KCNH7: variants seen among roughly 807,000 people sequenced by gnomAD.
The protein encoded by KCNH7 is potassium voltage-gated channel subfamily H member 7.
In KCNH7, 49 loss-of-function variants were observed where a neutral mutation model predicts 120.8. That is an observed-to-expected ratio of 0.41 (90% CI 0.32 to 0.51). KCNH7 has a LOEUF of 0.51. Ranked by LOEUF, KCNH7 falls within the 20% of genes least tolerant of loss-of-function variation. The pLI, the probability that KCNH7 is intolerant of heterozygous loss-of-function variation, is 0.38. For missense variants in KCNH7, 1,097 were observed against 1,446.6 expected (o/e 0.76, Z 3.92); for synonymous variants, 547 against 516.1 (o/e 1.06, Z -0.81).
intron 2 of KCNH7, among the ~76,000 whole-genome samples, chr2:162,675,164 A>C (rs10209495): frequency 0.14 from 20,628 of 151,482 alleles, 1,616 homozygotes; most frequent in East Asian, 0.34. Flanking sequence ...ATGGAAAAAC[A>C]AAAACAAAAC....
chr2:162,498,976 T>C (rs553759833), intron 6 of KCNH7, among the ~76,000 whole-genome samples: 6 of 152,210 alleles, frequency 3.9e-5, no homozygotes, highest in African/African-American at 1.4e-4. Flanking sequence ...GTGGTTTGAG[T>C]TGGATTTCTG....
chr2:162,753,031 A>AAAGAAC (rs1559116574), intron 2 of KCNH7, among the ~76,000 whole-genome samples: 1 of 127,766 alleles, frequency 7.8e-6, no homozygotes, highest in Non-Finnish European at 1.6e-5. Flanking sequence ...AAGAAAAGAA[A>AAAGAAC]CCCTGACTAA....
chr2:162,580,228 T>A (rs543478034), intron 2 of KCNH7, among the ~76,000 whole-genome samples: 3 of 152,154 alleles, frequency 2.0e-5, no homozygotes, highest in Non-Finnish European at 4.4e-5. Context: ...CACACGTCCA[T>A]CACTTACAAA....
In KCNH7 at chr2:162,806,941, T is replaced by C. The variant is rs187317765; in HGVS notation, c.307+29596A>G. ...ATAGATTACTACATAATCTATGCAT[T>C]TAAACAGTTATGTTGGAAATCATTA... On this transcript the variant is annotated intron_variant, in intron 2 of 15. Transcript: ENST00000332142. Among the ~76,000 whole-genome samples the C allele has an allele frequency of 2.2e-3, 329 of 152,184 alleles. No individual in the cohort carries two copies. The Middle Eastern group carries it at 0.024, about 11-fold the overall frequency.
At chr2:162,531,649 T>C (rs1691929392) in intron 3 of KCNH7, among the ~76,000 whole-genome samples, 1 of 151,976 alleles carries the variant, frequency 6.6e-6, no homozygotes, top group Admixed American at 6.6e-5. Flanking sequence ...AGCTCAATTT[T>C]TTTTTCTAAA....
At chr2:162,758,467 CAT>C (rs1448159379) in intron 2 of KCNH7, among the ~76,000 whole-genome samples, 4 of 151,954 alleles carry the variant, frequency 2.6e-5, no homozygotes, top group Middle Eastern at 6.9e-3. Flanking sequence ...TGTACACACA[CAT>C]ATATATACAC....
chr2:162,480,625 G>T (rs1689900410), intron 6 of KCNH7, among the ~76,000 whole-genome samples: 1 of 152,156 alleles, frequency 6.6e-6, no homozygotes, highest in African/African-American at 2.4e-5. Flanking sequence ...CATCAAATTG[G>T]TGGCATTCAG....
At chr2:162,389,787 TCC>T (rs1413974583) in intron 12 of KCNH7, among the ~76,000 whole-genome samples, 2 of 152,052 alleles carry the variant, frequency 1.3e-5, no homozygotes, top group Non-Finnish European at 2.9e-5. Flanking sequence ...AAAAATAATT[TCC>T]TCAGAATTCT....
intron 2 of KCNH7, among the ~76,000 whole-genome samples, chr2:162,718,957 G>A (rs796466630): frequency 1.2e-4 from 19 of 152,032 alleles, no homozygotes; most frequent in African/African-American, 4.1e-4. Context: ...ATTTTCAGAT[G>A]CAGAAAAGAA....
intron 6 of KCNH7, among the ~76,000 whole-genome samples, chr2:162,458,031 G>A (rs993018798): frequency 6.6e-6 from 1 of 151,946 alleles, no homozygotes. Flanking sequence ...AAATTAGGTA[G>A]TAGAATCACT....
intron 2 of KCNH7, among the ~76,000 whole-genome samples, chr2:162,540,871 A>G (rs1209888061): frequency 1.3e-5 from 2 of 152,092 alleles, no homozygotes; most frequent in African/African-American, 4.8e-5. Flanking sequence ...AAATACTGCA[A>G]TACTCTTGGT....
chr2:162,615,552 G>C (rs1348891626), intron 2 of KCNH7, among the ~76,000 whole-genome samples: 1 of 152,102 alleles, frequency 6.6e-6, no homozygotes, highest in Admixed American at 6.6e-5. Flanking sequence ...CAAATGGTAG[G>C]TAGAAATGCA....
At chr2:162,399,074 A>C (rs1686998361) in intron 10 of KCNH7, among the ~76,000 whole-genome samples, 1 of 151,892 alleles carries the variant, frequency 6.6e-6, no homozygotes, top group Admixed American at 6.6e-5. Flanking sequence ...TCATATGTGA[A>C]CATCAAAAGC....
chr2:162,601,399 C>CTTTTTTTGTT (rs1694548947), intron 2 of KCNH7, among the ~76,000 whole-genome samples: 1 of 9,602 alleles, frequency 1.0e-4, no homozygotes, highest in Non-Finnish European at 1.7e-4. Context: ...ACTTCTTGTG[C>CTTTTTTTGTT]TTTTTTTTTT....
At chr2:162,553,362 A>T (rs1692745824) in intron 2 of KCNH7, among the ~76,000 whole-genome samples, 2 of 152,216 alleles carry the variant, frequency 1.3e-5, no homozygotes, top group Non-Finnish European at 2.9e-5. Context: ...TTAGCATAAC[A>T]TGCTGCTGTT....
At chr2:162,513,800 G>A (rs1442647326) in intron 4 of KCNH7, among the ~76,000 whole-genome samples, 2 of 151,762 alleles carry the variant, frequency 1.3e-5, no homozygotes, top group Non-Finnish European at 2.9e-5. Context: ...TGAAAGATTA[G>A]ATTGTTTTAA....
intron 2 of KCNH7, among the ~76,000 whole-genome samples, chr2:162,641,038 G>C (rs1684137855): frequency 6.6e-6 from 1 of 152,118 alleles, no homozygotes; most frequent in African/African-American, 2.4e-5. Flanking sequence ...CCAAATGCTG[G>C]TGGGGGTTAG....
intron 2 of KCNH7, among the ~76,000 whole-genome samples, chr2:162,581,538 A>G (rs939484569): frequency 2.0e-5 from 3 of 152,062 alleles, no homozygotes; most frequent in Non-Finnish European, 4.4e-5. Context: ...ATTGGAGGTT[A>G]TATCACCTGC....
chr2:162,399,731 C>T (rs1054204786), intron 10 of KCNH7, among the ~76,000 whole-genome samples: 7 of 151,686 alleles, frequency 4.6e-5, no homozygotes, highest in African/African-American at 1.7e-4. Context: ...TAATCCGACG[C>T]GGCAGGTAAA....
Sources: allele counts gnomAD v4.1 joint callset (sites outside exome capture counted in the v4.1 genomes callset), GRCh38; gene constraint gnomAD v4.1.1; transcripts MANE v1.5; gene names NCBI Gene and HGNC (gene_info 2026-07-23, HGNC 2026-07-21).